Variants in KANK1 observed in about 807,000 individuals in gnomAD.
KANK1 encodes KN motif and ankyrin repeat domains 1.
Under a neutral mutation model 106.2 loss-of-function variants are expected in KANK1, and 109 were observed. The ratio of observed to expected loss-of-function variants is 1.03; its 90% CI spans 0.88 to 1.20. The LOEUF is 1.20. KANK1 is among the 50% of genes most tolerant of loss of function. The probability of loss-of-function intolerance (pLI) is 0.00; values close to 1 mark genes in which losing one functional copy is unlikely to be tolerated. For synonymous variants in KANK1, 873 were observed against 652.2 expected, an observed-to-expected ratio of 1.34 and a Z score of -5.16; for missense variants, 2,399 against 1,710.7, an observed-to-expected ratio of 1.40 and a Z score of -7.10.
chr9:608,995 A>G (rs1328529063), intron 1 of KANK1, among the ~76,000 whole-genome samples: 2 of 152,152 alleles, frequency 1.3e-5, no homozygotes. Context: ...GTCACTGCTG[A>G]TATCCTTCCT....
chr9:564,542 C>G (rs1817341978), intron 1 of KANK1, among the ~76,000 whole-genome samples: 1 of 152,112 alleles, frequency 6.6e-6, no homozygotes, highest in Non-Finnish European at 1.5e-5. Context: ...ATGAAACATA[C>G]ATAGTTGCAA....
intron 2 of KANK1, among the ~76,000 whole-genome samples, chr9:708,931 C>A (rs777930275): frequency 6.6e-6 from 1 of 152,204 alleles, no homozygotes; most frequent in African/African-American, 2.4e-5. Flanking sequence ...GTTTGAAATG[C>A]ATAGCCCAGG....
intron 3 of KANK1, among the ~76,000 whole-genome samples, chr9:721,904 A>G (rs904142640): frequency 6.6e-6 from 1 of 152,246 alleles, no homozygotes; most frequent in East Asian, 1.9e-4. Context: ...CCCTTCCCCA[A>G]CAATGTTCCA....
Position 679,032 on chromosome 9 carries a change from T to C in KANK1, c.37+2023T>C, listed in dbSNP as rs186160643. Reference sequence around the variant, plus strand: ...TGGTTTGTTCTGTACTTACCTTTTTTCTTTGTTCCTGAGATCTAATAAGCA... The same window carrying C: ...TGGTTTGTTCTGTACTTACCTTTTTCCTTTGTTCCTGAGATCTAATAAGCA... On this transcript the variant is annotated intron_variant, in intron 2 of 11. Coordinates refer to ENST00000382297, the MANE Select transcript of KANK1 (RefSeq NM_015158.5). 4.6e-5 allele frequency among the ~76,000 whole-genome samples: 7 copies of C among 152,316 alleles called. No homozygotes were observed. The East Asian group carries it at 9.7e-4, about 21-fold the overall frequency.
intron 1 of KANK1, among the ~76,000 whole-genome samples, chr9:529,672 A>G (rs1167527350): frequency 1.3e-5 from 2 of 152,204 alleles, no homozygotes; most frequent in Admixed American, 1.3e-4. Context: ...AAAGAGCAGC[A>G]TAGTATGATT....
chr9:690,081 A>C (rs1819504702), intron 2 of KANK1, among the ~76,000 whole-genome samples: 7 of 136,342 alleles, frequency 5.1e-5, no homozygotes, highest in Non-Finnish European at 1.1e-4. Context: ...TGAGGTCAGG[A>C]GTTTGAGACC....
At chr9:612,265 C>T (rs1830743003) in intron 1 of KANK1, among the ~76,000 whole-genome samples, 2 of 152,040 alleles carry the variant, frequency 1.3e-5, no homozygotes, top group Admixed American at 6.6e-5. Context: ...GTGATTTTTG[C>T]AATCTGTGTT....
intron 3 of KANK1, among the ~76,000 whole-genome samples, chr9:498,228 C>T (rs2058488067): frequency 6.6e-6 from 1 of 152,166 alleles, no homozygotes; most frequent in African/African-American, 2.4e-5. Context: ...GCACACAATT[C>T]CAAGTATTTA....
chr9:740,172 C>T (rs1386586898), intron 8 of KANK1, among the ~76,000 whole-genome samples: 1 of 152,130 alleles, frequency 6.6e-6, no homozygotes, highest in Admixed American at 6.5e-5. Flanking sequence ...CTGAAGACTC[C>T]TTAAGAATTA....
At chr9:517,016 C>T (rs193248995) in intron 1 of KANK1, among the ~76,000 whole-genome samples, 1 of 151,688 alleles carries the variant, frequency 6.6e-6, no homozygotes, top group Non-Finnish European at 1.5e-5. Context: ...CACACACACA[C>T]ACACACACAC....
Position 713,411 on chromosome 9 carries a change from C to A in KANK1, c.2645C>A (p.Thr882Asn). The change falls in exon 3 of 12, where the codon ACT (threonine) becomes AAT (asparagine). Residue 882 changes from threonine (T) to asparagine (N), a missense_variant. Coordinates refer to ENST00000382297, the MANE Select transcript of KANK1 (RefSeq NM_015158.5). ...SINSVMKSAS[T>N]EELRNPDFQK... ...AACTCTGTCATGAAATCTGCAAGCACTGAAGAGCTGAGGAACCCTGACTTC... is the reference window on the plus strand; with the variant it reads ...AACTCTGTCATGAAATCTGCAAGCAATGAAGAGCTGAGGAACCCTGACTTC... The A allele has an allele frequency of 6.2e-7, 1 of 1,611,792 alleles. No homozygotes were observed.
At chr9:661,880 G>T (rs1843399013) in intron 1 of KANK1, among the ~76,000 whole-genome samples, 1 of 44,718 alleles carries the variant, frequency 2.2e-5, no homozygotes. Flanking sequence ...GGCCAGTGAT[G>T]ATGAGCATTT....
chr9:563,475 C>A (rs1387125058), intron 1 of KANK1, among the ~76,000 whole-genome samples: 1 of 152,124 alleles, frequency 6.6e-6, no homozygotes, highest in African/African-American at 2.4e-5. Context: ...TCTCTCATTG[C>A]CACTAGTAAT....
chr9:516,892 T>TA lies in KANK1; in HGVS notation c.-84+12140dup, dbSNP rs1252335573. Among the ~76,000 whole-genome samples the TA allele has an allele frequency of 4.0e-5, 6 of 151,696 alleles. No individual in the cohort carries two copies. The East Asian group carries it at 1.2e-3, about 29-fold the overall frequency. ...TAGGAATTTCATGCCTCCATCAGTGTAAGTTTGAACACTTGGGTTACGAAG... is the reference window on the plus strand; with the variant it reads ...TAGGAATTTCATGCCTCCATCAGTGTAAAGTTTGAACACTTGGGTTACGAAG... On this transcript the variant is annotated intron_variant, in intron 1 of 11. Transcript: ENST00000382297.
chr9:556,083 A>G (rs750086076), intron 1 of KANK1, among the ~76,000 whole-genome samples: 2 of 152,108 alleles, frequency 1.3e-5, no homozygotes, highest in Non-Finnish European at 2.9e-5. Context: ...CTTTCTCTAC[A>G]GTCTGTTTTG....
chr9:594,610 T>G (rs1825777109), intron 1 of KANK1, among the ~76,000 whole-genome samples: 1 of 151,914 alleles, frequency 6.6e-6, no homozygotes, highest in Admixed American at 6.5e-5. Flanking sequence ...TTGTTTATAT[T>G]TTGTAAAATG....
chr9:590,100 C>G (rs144408591), intron 1 of KANK1, among the ~76,000 whole-genome samples: 1 of 152,128 alleles, frequency 6.6e-6, no homozygotes, highest in Non-Finnish European at 1.5e-5. Context: ...CCTCTTGTTT[C>G]CAAATACCAA....
chr9:740,144 C>T (rs761422781), intron 8 of KANK1, among the ~76,000 whole-genome samples: 41 of 152,010 alleles, frequency 2.7e-4, no homozygotes, highest in Non-Finnish European at 4.4e-4. Flanking sequence ...TTTAAATGCC[C>T]GAAGGATAAT....
intron 1 of KANK1, among the ~76,000 whole-genome samples, chr9:622,825 C>T (rs1833467839): frequency 6.6e-6 from 1 of 152,046 alleles, no homozygotes; most frequent in African/African-American, 2.4e-5. Flanking sequence ...TGGCTTGAAC[C>T]TGGGAGGCGG....
Sources: gnomAD v4.1 joint callset for allele counts (sites outside exome capture counted in the v4.1 genomes callset) on GRCh38, gnomAD v4.1.1 for gene constraint, MANE v1.5 for transcripts, NCBI Gene and HGNC (gene_info 2026-07-23, HGNC 2026-07-21) for gene names.